The following LINGO1 variants were observed in gnomAD, a reference collection of about 807,000 sequenced individuals.
The protein encoded by LINGO1 is leucine-rich repeat and immunoglobulin-like domain-containing nogo receptor-interacting protein 1.
A neutral mutation model predicts 37.3 loss-of-function variants in LINGO1; 11 were observed. That is an observed-to-expected ratio of 0.29 (90% CI 0.19 to 0.49). The LOEUF is 0.49. Ranked by LOEUF, LINGO1 falls within the 20% of genes least tolerant of loss-of-function variation. The pLI is 0.99. For synonymous variants in LINGO1, 387 were observed against 403.0 expected (o/e 0.96, Z 0.48); for missense variants, 585 against 878.2 (o/e 0.67, Z 4.22).
chr15:77,668,230 G>A (rs954428107), intron 3 of LINGO1, among the ~76,000 whole-genome samples: 6 of 152,192 alleles, frequency 3.9e-5, no homozygotes, highest in African/African-American at 1.4e-4. Flanking sequence ...GGATGCACAT[G>A]TCCCAGCTCA....
At chr15:77,618,013 T>C (rs1246915675) in intron 1 of LINGO1, among the ~76,000 whole-genome samples, 1 of 152,144 alleles carries the variant, frequency 6.6e-6, no homozygotes, top group Non-Finnish European at 1.5e-5. Context: ...TTTTCCACAG[T>C]CACACACGCT....
At chr15:77,782,125 G>A (rs1596225627) in intron 1 of LINGO1, among the ~76,000 whole-genome samples, 1 of 152,208 alleles carries the variant, frequency 6.6e-6, no homozygotes, top group Admixed American at 6.5e-5. Context: ...ATACAGAACA[G>A]AAGGAACATT....
At chr15:77,705,408 C>T (rs1323917968) in intron 2 of LINGO1, among the ~76,000 whole-genome samples, 2 of 152,192 alleles carry the variant, frequency 1.3e-5, no homozygotes, top group Non-Finnish European at 2.9e-5. Flanking sequence ...AGGGGAGACA[C>T]TGAGGTCACT....
intron 3 of LINGO1, among the ~76,000 whole-genome samples, chr15:77,655,819 C>T (rs2074853018): frequency 6.6e-6 from 1 of 152,202 alleles, no homozygotes; most frequent in African/African-American, 2.4e-5. Context: ...GGACACCGGC[C>T]TCTCCTGCCA....
chr15:77,675,886 T>A (rs1291063288), intron 3 of LINGO1, among the ~76,000 whole-genome samples: 1 of 152,104 alleles, frequency 6.6e-6, no homozygotes, highest in Non-Finnish European at 1.5e-5. Flanking sequence ...GTTACCCCCA[T>A]CCCCACTCTG....
intron 1 of LINGO1, among the ~76,000 whole-genome samples, chr15:77,814,923 G>C (rs570121452): frequency 4.7e-4 from 71 of 152,370 alleles, no homozygotes; most frequent in African/African-American, 1.6e-3. Context: ...ATCAGAGCTG[G>C]GTGGGGCATG....
chr15:77,765,283 T>A (rs2076516231), intron 1 of LINGO1, among the ~76,000 whole-genome samples: 2 of 151,940 alleles, frequency 1.3e-5, no homozygotes, highest in South Asian at 4.2e-4. Flanking sequence ...GCTGCGGCGG[T>A]GCACACTTGT....
In LINGO1 at chr15:77,613,900, C is replaced by T; in HGVS notation, c.*144G>A. 1.4e-6 allele frequency: 1 copy of T among 720,608 alleles called. No homozygotes were observed. Among genetic ancestry groups the T allele is most frequent in the East Asian group, 2.7e-5 (1 of 36,686 alleles). 44.6% of individuals were successfully genotyped at this position (720,608 alleles called of 1,614,324 possible). A position where few individuals can be genotyped will look rare whatever the true frequency, so the allele number is the denominator to read the frequency against. On this transcript the variant is annotated 3_prime_UTR_variant, in exon 2 of 2. Coordinates refer to ENST00000355300, the MANE Select transcript of LINGO1 (RefSeq NM_032808.7). Reference sequence around the variant, plus strand: ...GCAGGTGGTGAGGGCTGGCGGGGGGCAGCAGGGGACGGAGGCGGGAGGGAG... The same window carrying T: ...GCAGGTGGTGAGGGCTGGCGGGGGGTAGCAGGGGACGGAGGCGGGAGGGAG...
At chr15:77,773,275 G>A (rs929123079) in intron 1 of LINGO1, among the ~76,000 whole-genome samples, 2 of 152,192 alleles carry the variant, frequency 1.3e-5, no homozygotes, top group African/African-American at 4.8e-5. Context: ...AGGCTGTGGG[G>A]GAAGAGAGTT....
chr15:77,757,028 G>A (rs555812108), intron 1 of LINGO1, among the ~76,000 whole-genome samples: 3 of 152,330 alleles, frequency 2.0e-5, no homozygotes, highest in South Asian at 2.1e-4. Context: ...GGGGCAATAG[G>A]AAATGAAGCC....
At chr15:77,643,961 T>C (rs944392962) in intron 3 of LINGO1, among the ~76,000 whole-genome samples, 1 of 152,178 alleles carries the variant, frequency 6.6e-6, no homozygotes, top group Non-Finnish European at 1.5e-5. Context: ...TCCGCCCTCA[T>C]TCCTGAATGT....
intron 1 of LINGO1, among the ~76,000 whole-genome samples, chr15:77,695,216 TC>T (rs1274791908): frequency 1.3e-5 from 2 of 151,986 alleles, no homozygotes; most frequent in Non-Finnish European, 2.9e-5. Flanking sequence ...TCCGGTGCTG[TC>T]CCCTGCTCCC....
upstream of LINGO1, among the ~76,000 whole-genome samples, chr15:77,635,130 G>A (rs529777135): frequency 6.6e-4 from 100 of 152,294 alleles, no homozygotes; most frequent in African/African-American, 2.3e-3. Flanking sequence ...ATCCCTCCGC[G>A]CCTCGGAGGC....
intron 1 of LINGO1, among the ~76,000 whole-genome samples, chr15:77,762,813 C>T (rs2076490704): frequency 6.6e-6 from 1 of 151,766 alleles, no homozygotes; most frequent in Admixed American, 6.6e-5. Flanking sequence ...GCCTGCCAAG[C>T]AGCCCCCCAC....
At chr15:77,717,156 ACT>A (rs2075994471) in intron 2 of LINGO1, among the ~76,000 whole-genome samples, 1 of 150,372 alleles carries the variant, frequency 6.7e-6, no homozygotes, top group African/African-American at 2.4e-5. Context: ...GCGGGGGTTA[ACT>A]CTCTGCCGTG....
In LINGO1 at chr15:77,615,751, G is replaced by T; in HGVS notation, c.156C>A (p.Asp52Glu). Residue 52 changes from aspartate to glutamate, a missense_variant, in exon 2 of 2, where the codon GAC becomes GAA. By Grantham distance (45) the Asp-to-Glu change is conservative. Around this residue, in one of 4 missense-constraint regions of LINGO1, gnomAD observed 484 missense variants for 735.0 expected, o/e 0.66. Coordinates refer to ENST00000355300, the MANE Select transcript of LINGO1 (RefSeq NM_032808.7). ...GCTTGCGGTGGCACAGCACAGCGCG[G>T]TCCTGGGCGGAGCACTCGCAGCGGG... ...CPPRCECSAQ[D>E]RAVLCHRKRF... 3.2e-6 allele frequency: 5 copies of T among 1,587,292 alleles called. No homozygotes were observed. The highest frequency in any genetic ancestry group is 4.3e-6 in the Non-Finnish European group (5 of 1,171,018).
intron 3 of LINGO1, among the ~76,000 whole-genome samples, chr15:77,663,790 G>A (rs2075051522): frequency 6.6e-6 from 1 of 152,224 alleles, no homozygotes; most frequent in African/African-American, 2.4e-5. Flanking sequence ...GGTCGAGTGG[G>A]GGATGGGGAG....
At chr15:77,703,565 T>G (rs894724518) in intron 2 of LINGO1, among the ~76,000 whole-genome samples, 2 of 152,152 alleles carry the variant, frequency 1.3e-5, no homozygotes, top group Non-Finnish European at 2.9e-5. Context: ...TCCCACCACT[T>G]CCTGGAAGCA....
At chr15:77,770,416 C>T (rs1361275518) in intron 1 of LINGO1, among the ~76,000 whole-genome samples, 3 of 151,974 alleles carry the variant, frequency 2.0e-5, no homozygotes, top group East Asian at 1.9e-4. Flanking sequence ...GGAGAAATCC[C>T]GTCTCTACTA....
Sources: allele counts gnomAD v4.1 joint callset (sites outside exome capture counted in the v4.1 genomes callset), GRCh38; gene constraint gnomAD v4.1.1; regional missense constraint gnomAD v4.1.1; transcripts MANE v1.5; gene names NCBI Gene and HGNC (gene_info 2026-07-23, HGNC 2026-07-21).